The following TENM3 variants were observed in gnomAD, a reference collection of about 807,000 sequenced individuals.
TENM3 encodes teneurin transmembrane protein 3, also known as teneurin-3.
TENM3 carries 63 observed loss-of-function variants against 255.1 expected under a neutral mutation model. The observed-to-expected ratio is 0.25, with a 90% CI of 0.20 to 0.30. The LOEUF is 0.30. Among genes scored for constraint, TENM3 ranks in the 10% least tolerant of loss-of-function variants. The probability of loss-of-function intolerance (pLI) is 1.00; values close to 1 mark genes in which losing one functional copy is unlikely to be tolerated. For missense variants in TENM3, 2,929 were observed against 3,461.1 expected, an observed-to-expected ratio of 0.85 and a Z score of 3.86; for synonymous variants, 1,306 against 1,322.3, an observed-to-expected ratio of 0.99 and a Z score of 0.27.
the TENM3 span, among the ~76,000 whole-genome samples, chr4:181,568,321 A>G: frequency 6.6e-6 from 1 of 151,526 alleles, no homozygotes; most frequent in African/African-American, 2.4e-5. Flanking sequence ...CCGCCACCAC[A>G]CCCAGATAAT....
the TENM3 span, among the ~76,000 whole-genome samples, chr4:181,853,035 C>T: frequency 6.6e-6 from 1 of 152,152 alleles, no homozygotes; most frequent in Non-Finnish European, 1.5e-5. Context: ...CAGGGCCATG[C>T]CAGTTATCTC....
At chr4:181,461,784 T>C in the TENM3 span, among the ~76,000 whole-genome samples, 68 of 152,312 alleles carry the variant, frequency 4.5e-4, no homozygotes, top group South Asian at 0.014. Context: ...GTATCTGGTC[T>C]ATATTTATAA....
intron 1 of TENM3, among the ~76,000 whole-genome samples, chr4:182,233,117 G>A (rs1756683097): frequency 6.6e-6 from 1 of 152,194 alleles, no homozygotes; most frequent in Non-Finnish European, 1.5e-5. Flanking sequence ...TCACCCAGAA[G>A]CCGCTCCAGG....
At chr4:182,267,264 C>G (rs1475920269) in intron 1 of TENM3, among the ~76,000 whole-genome samples, 1 of 152,098 alleles carries the variant, frequency 6.6e-6, no homozygotes, top group East Asian at 1.9e-4. Flanking sequence ...ATTTATTTCT[C>G]TCTACCTAAT....
the TENM3 span, among the ~76,000 whole-genome samples, chr4:182,078,699 A>G: frequency 1.3e-4 from 20 of 152,292 alleles, no homozygotes; most frequent in Non-Finnish European, 2.2e-4. Context: ...ATGCTACTGC[A>G]GACATCCAAG....
Position 182,673,072 on chromosome 4 carries a change from A to G in TENM3, c.1179A>G (p.Arg393=). ...CCGGAGAACTTGATATTGGCCGAAGAGCAATTCAAGAGATTCCTCCCGGGA... is the reference window on the plus strand; with the variant it reads ...CCGGAGAACTTGATATTGGCCGAAGGGCAATTCAAGAGATTCCTCCCGGGA... The part of the protein sequence containing the change: ...IDSGELDIGR[R]AIQEIPPGIF... Residue 393 remains arginine (R), a synonymous_variant, in exon 7 of 28, where the codon AGA becomes AGG. Transcript: ENST00000511685. The G allele has an allele frequency of 1.2e-6, 2 of 1,611,754 alleles. No individual in the cohort carries two copies. Among genetic ancestry groups the G allele is most frequent in the Non-Finnish European group, 8.5e-7 (1 of 1,178,704 alleles).
At chr4:181,721,740 G>T in the TENM3 span, among the ~76,000 whole-genome samples, 1 of 151,728 alleles carries the variant, frequency 6.6e-6, no homozygotes, top group Admixed American at 6.6e-5. Flanking sequence ...ATTTCAAAAA[G>T]GCAAAGTTAA....
chr4:182,195,551 G>A (rs1213369833), intron 1 of TENM3, among the ~76,000 whole-genome samples: 5 of 152,060 alleles, frequency 3.3e-5, no homozygotes, highest in Admixed American at 2.0e-4. Flanking sequence ...GAGGTGGGAC[G>A]ATCCTTTGAG....
intron 3 of TENM3, among the ~76,000 whole-genome samples, chr4:182,426,007 C>CA (rs55836889): frequency 1.5e-3 from 138 of 90,652 alleles, no homozygotes; most frequent in Admixed American, 2.2e-3. Context: ...GAGTCCATGT[C>CA]AAAAAAAAAA....
intron 19 of TENM3, 65 bp downstream of exon 19, chr4:182,743,484 A>G: frequency 6.5e-7 from 1 of 1,544,080 alleles, no homozygotes; most frequent in South Asian, 1.1e-5. Context: ...AAAAAGGTTG[A>G]GTCTGATGTA....
the TENM3 span, among the ~76,000 whole-genome samples, chr4:181,704,399 T>C: frequency 4.6e-5 from 7 of 152,306 alleles, no homozygotes; most frequent in South Asian, 1.5e-3. Flanking sequence ...AAATTCTCTT[T>C]ACCAGGTTGA....
chr4:181,710,710 G>C, the TENM3 span, among the ~76,000 whole-genome samples: 1 of 152,010 alleles, frequency 6.6e-6, no homozygotes, highest in East Asian at 1.9e-4. Context: ...AACAGAGTGA[G>C]ACTCCATCTC....
At chr4:182,522,539 T>G (rs1282566750) in intron 3 of TENM3, among the ~76,000 whole-genome samples, 4 of 152,238 alleles carry the variant, frequency 2.6e-5, no homozygotes, top group African/African-American at 9.6e-5. Flanking sequence ...CTGAGTAATA[T>G]TCCACTGTGT....
At chr4:181,752,784 G>GA in the TENM3 span, among the ~76,000 whole-genome samples, 136 of 138,284 alleles carry the variant, frequency 9.8e-4, no homozygotes, top group South Asian at 7.0e-3. Flanking sequence ...TTCCGAAATA[G>GA]AAAAAAAAAT....
chr4:182,615,575 G>T (rs1749425875), intron 4 of TENM3, among the ~76,000 whole-genome samples: 1 of 152,102 alleles, frequency 6.6e-6, no homozygotes. Context: ...GGAAATAGAT[G>T]CTGGTATCTC....
At chr4:181,487,611 C>A in the TENM3 span, among the ~76,000 whole-genome samples, 1 of 152,164 alleles carries the variant, frequency 6.6e-6, no homozygotes, top group Non-Finnish European at 1.5e-5. Context: ...CCCAAAGTCA[C>A]CACCTCCTAA....
At chr4:181,886,164 C>T in the TENM3 span, among the ~76,000 whole-genome samples, 5 of 151,628 alleles carry the variant, frequency 3.3e-5, no homozygotes, top group Admixed American at 2.0e-4. Context: ...GCAATTCTCC[C>T]GCCTCAGCCT....
At chr4:182,493,597 G>T (rs1231059461) in intron 3 of TENM3, among the ~76,000 whole-genome samples, 1 of 152,122 alleles carries the variant, frequency 6.6e-6, no homozygotes, top group Non-Finnish European at 1.5e-5. Flanking sequence ...GTGAGACTGT[G>T]TCAGCATTAT....
the TENM3 span, among the ~76,000 whole-genome samples, chr4:182,076,438 G>T: frequency 1.3e-5 from 2 of 152,018 alleles, no homozygotes; most frequent in Admixed American, 6.6e-5. Flanking sequence ...ACTTGACCTC[G>T]TGATCCACCT....
Sources: allele counts gnomAD v4.1 joint callset (sites outside exome capture counted in the v4.1 genomes callset), GRCh38; gene constraint gnomAD v4.1.1; transcripts MANE v1.5; gene names NCBI Gene and HGNC (gene_info 2026-07-23, HGNC 2026-07-21).